Variants in FER observed in about 807,000 individuals in gnomAD.
FER encodes the protein tyrosine-protein kinase Fer.
FER carries 63 observed loss-of-function variants against 111.0 expected under a neutral mutation model. The ratio of observed to expected loss-of-function variants is 0.57; its 90% CI spans 0.46 to 0.70. FER has a LOEUF of 0.70. Ranked by LOEUF, FER falls within the 30% of genes least tolerant of loss-of-function variation. The probability of loss-of-function intolerance (pLI) is 0.00; values close to 1 mark genes in which losing one functional copy is unlikely to be tolerated. For missense variants in FER, 914 were observed against 954.0 expected (o/e 0.96, Z 0.55); for synonymous variants, 327 against 313.9 (o/e 1.04, Z -0.44).
intron 10 of FER, chr5:108,924,687 T>C (rs1305037640): frequency 2.4e-6 from 3 of 1,231,962 alleles, no homozygotes; most frequent in Non-Finnish European, 3.0e-6. Flanking sequence ...AATGTCCTCA[T>C]TGTAAGGATC....
At chr5:108,921,041 G>T (rs113455667) in intron 10 of FER, among the ~76,000 whole-genome samples, 1 of 151,824 alleles carries the variant, frequency 6.6e-6, no homozygotes, top group South Asian at 2.1e-4. Flanking sequence ...CCAGATCTTC[G>T]TATGACCAAC....
At chr5:108,807,508 G>A (rs1223951688) in intron 3 of FER, among the ~76,000 whole-genome samples, 5 of 151,988 alleles carry the variant, frequency 3.3e-5, no homozygotes, top group African/African-American at 7.2e-5. Flanking sequence ...TTCATTTTCC[G>A]TCTTTTTCTT....
chr5:109,107,476 C>T (rs542021923), intron 17 of FER, among the ~76,000 whole-genome samples: 2 of 152,056 alleles, frequency 1.3e-5, no homozygotes, highest in Admixed American at 6.6e-5. Context: ...GCTCCTCTCC[C>T]TCCCTCCACC....
At chr5:109,105,232 G>T (rs1403060506) in intron 17 of FER, among the ~76,000 whole-genome samples, 2 of 5,910 alleles carry the variant, frequency 3.4e-4, no homozygotes, top group Non-Finnish European at 7.1e-4. Context: ...GCTTATATTT[G>T]TGTGTGTGTG....
intron 10 of FER, among the ~76,000 whole-genome samples, chr5:108,927,275 A>C (rs1478511684): frequency 3.5e-5 from 1 of 28,546 alleles, no homozygotes; most frequent in African/African-American, 7.8e-4. Flanking sequence ...TTTTTTTGAG[A>C]CGGAGTCTCG....
chr5:109,107,869 A>G (rs1749133578), intron 17 of FER, among the ~76,000 whole-genome samples: 2 of 152,080 alleles, frequency 1.3e-5, no homozygotes, highest in African/African-American at 4.8e-5. Context: ...GGCTAATATA[A>G]CCTGCCAGGC....
intron 18 of FER, among the ~76,000 whole-genome samples, chr5:109,182,357 T>C (rs1758371563): frequency 6.6e-6 from 1 of 152,164 alleles, no homozygotes; most frequent in African/African-American, 2.4e-5. Context: ...AGAGGTTCTT[T>C]CTTATGAGCT....
At chr5:109,021,237 G>A (rs1490584120) in intron 13 of FER, among the ~76,000 whole-genome samples, 1 of 151,882 alleles carries the variant, frequency 6.6e-6, no homozygotes, top group Non-Finnish European at 1.5e-5. Context: ...GCTTACTAAC[G>A]GTAGGTCTGT....
At chr5:108,981,992 CT>C (rs1373568814) in intron 13 of FER, among the ~76,000 whole-genome samples, 1 of 152,110 alleles carries the variant, frequency 6.6e-6, no homozygotes, top group East Asian at 1.9e-4. Flanking sequence ...AACATGAGTA[CT>C]TTCCCACTTT....
chr5:108,830,364 G>A (rs1246329301), intron 3 of FER, among the ~76,000 whole-genome samples: 1 of 152,148 alleles, frequency 6.6e-6, no homozygotes, highest in Non-Finnish European at 1.5e-5. Context: ...TGAGGCACAA[G>A]AATCACTTGG....
chr5:109,180,565 A>G (rs984569746), intron 17 of FER, among the ~76,000 whole-genome samples, 182 bp from the exon 18 acceptor site: 2 of 152,226 alleles, frequency 1.3e-5, no homozygotes, highest in African/African-American at 4.8e-5. Context: ...CTCCATATGC[A>G]TATGTTCTCA....
intron 17 of FER, among the ~76,000 whole-genome samples, chr5:109,135,815 T>A (rs371486798): frequency 3.9e-5 from 6 of 152,336 alleles, no homozygotes; most frequent in African/African-American, 1.2e-4. Flanking sequence ...TTCTGGTGAT[T>A]TCTGCTACTA....
chr5:108,946,607 A>T (rs1757020758), intron 11 of FER, among the ~76,000 whole-genome samples: 1 of 151,986 alleles, frequency 6.6e-6, no homozygotes, highest in South Asian at 2.1e-4. Context: ...TATATATTTT[A>T]AAAATGTATT....
At chr5:108,918,855 A>G (rs938530355) in intron 10 of FER, among the ~76,000 whole-genome samples, 3 of 152,176 alleles carry the variant, frequency 2.0e-5, no homozygotes, top group East Asian at 1.9e-4. Context: ...TGGATATGCA[A>G]TGGATAATTG....
intron 13 of FER, among the ~76,000 whole-genome samples, chr5:108,980,357 G>T (rs776816799): frequency 6.6e-6 from 1 of 152,084 alleles, no homozygotes; most frequent in Non-Finnish European, 1.5e-5. Flanking sequence ...GAAGGCCATA[G>T]AGAAGAGTAA....
At chr5:109,015,116 C>G (rs906013588) in intron 13 of FER, among the ~76,000 whole-genome samples, 1 of 151,930 alleles carries the variant, frequency 6.6e-6, no homozygotes, top group African/African-American at 2.4e-5. Flanking sequence ...TAACATACAT[C>G]TTGATTTTTT....
intron 17 of FER, among the ~76,000 whole-genome samples, chr5:109,174,643 A>T (rs1404879846): frequency 6.6e-6 from 1 of 152,170 alleles, no homozygotes; most frequent in Non-Finnish European, 1.5e-5. Flanking sequence ...CTGCTTCATT[A>T]GAAAACAGAT....
At chr5:109,148,520 C>G (rs999472860) in intron 17 of FER, among the ~76,000 whole-genome samples, 3 of 152,160 alleles carry the variant, frequency 2.0e-5, no homozygotes, top group Non-Finnish European at 2.9e-5. Flanking sequence ...CGTATCAACT[C>G]TCTTACACCA....
intron 10 of FER, among the ~76,000 whole-genome samples, chr5:108,944,850 A>AACCTATCTAT (rs376764528): frequency 1.3e-5 from 2 of 152,046 alleles, no homozygotes; most frequent in South Asian, 2.1e-4. Context: ...CCTTCATATG[A>AACCTATCTAT]AAAGATGTTT....
Sources: gnomAD v4.1 joint callset for allele counts (sites outside exome capture counted in the v4.1 genomes callset) on GRCh38, gnomAD v4.1.1 for gene constraint, MANE v1.5 for transcripts, NCBI Gene and HGNC (gene_info 2026-07-23, HGNC 2026-07-21) for gene names.